Variants in ST6GALNAC5 observed in about 807,000 individuals in gnomAD.
ST6GALNAC5 encodes ST6 N-acetylgalactosaminide alpha-2,6-sialyltransferase 5.
Under a neutral mutation model 33.6 loss-of-function variants are expected in ST6GALNAC5, and 27 were observed. The observed-to-expected ratio is 0.80, with a 90% CI of 0.59 to 1.11. The LOEUF is 1.11. ST6GALNAC5 is among the 50% of genes least tolerant of loss of function. The pLI is 0.00. For missense variants in ST6GALNAC5, 428 were observed against 454.0 expected (o/e 0.94, Z 0.52); for synonymous variants, 194 against 171.2 (o/e 1.13, Z -1.04).
chr1:77,029,844 T>G (rs1651386733), intron 2 of ST6GALNAC5, among the ~76,000 whole-genome samples: 1 of 152,258 alleles, frequency 6.6e-6, no homozygotes, highest in African/African-American at 2.4e-5. Flanking sequence ...TCTAAATTAT[T>G]GTTGAAGGTT....
rs1014205117 is a variant in ST6GALNAC5 at position 77,064,067 on chromosome 1, A to C, written c.*861A>C. On this transcript the variant is annotated 3_prime_UTR_variant, in exon 5 of 5. Transcript: ENST00000477717. ...AAAAATGCTAACAAGAGAAATTTAA[A>C]GGTAGTTTTCTTTAGTAATAATTTA... is the stretch of plus-strand genomic sequence containing the variant. 3 of 152,276 alleles carry C rather than the reference A, an allele frequency of 2.0e-5. No individual in the cohort carries two copies. Among genetic ancestry groups the C allele is most frequent in the African/African-American group, 7.2e-5 (3 of 41,468 alleles). 9.4% of individuals were successfully genotyped at this position (152,276 alleles called of 1,614,324 possible). A position where few individuals can be genotyped will look rare whatever the true frequency, so the allele number is the denominator to read the frequency against.
At chr1:76,961,170 T>A (rs1374629808) in intron 2 of ST6GALNAC5, among the ~76,000 whole-genome samples, 1 of 152,220 alleles carries the variant, frequency 6.6e-6, no homozygotes, top group Non-Finnish European at 1.5e-5. Context: ...TGCCATGGCT[T>A]CAGCCGGTCC....
At chr1:76,978,183 T>G (rs1004269366) in intron 2 of ST6GALNAC5, among the ~76,000 whole-genome samples, 1 of 152,192 alleles carries the variant, frequency 6.6e-6, no homozygotes, top group Admixed American at 6.5e-5. Flanking sequence ...GTTTGTTATT[T>G]TGTTATTGCA....
chr1:76,897,309 A>G (rs2100259497), intron 2 of ST6GALNAC5, among the ~76,000 whole-genome samples: 1 of 152,292 alleles, frequency 6.6e-6, no homozygotes, highest in South Asian at 2.1e-4. Flanking sequence ...ATAGGAGAGT[A>G]TATGGGTTTA....
intron 2 of ST6GALNAC5, among the ~76,000 whole-genome samples, chr1:76,974,349 A>C (rs1648907502): frequency 6.6e-6 from 1 of 151,584 alleles, no homozygotes; most frequent in African/African-American, 2.4e-5. Flanking sequence ...AGGATTATAG[A>C]CATGCATCAC....
chr1:77,021,624 A>G (rs1301285387), intron 2 of ST6GALNAC5, among the ~76,000 whole-genome samples: 1 of 152,182 alleles, frequency 6.6e-6, no homozygotes, highest in African/African-American at 2.4e-5. Context: ...CTGTTCATCA[A>G]TATGATACAT....
At chr1:76,986,303 T>TA (rs748586453) in intron 2 of ST6GALNAC5, among the ~76,000 whole-genome samples, 1 of 151,938 alleles carries the variant, frequency 6.6e-6, no homozygotes, top group Non-Finnish European at 1.5e-5. Context: ...ACAAAGAACT[T>TA]AAACAAATTT....
intron 2 of ST6GALNAC5, among the ~76,000 whole-genome samples, chr1:76,899,403 A>G (rs192978278): frequency 0.056 from 8,433 of 151,822 alleles, 614 homozygotes; most frequent in African/African-American, 0.17. Flanking sequence ...ATAAGAGGTC[A>G]GGGCATGGAA....
chr1:77,050,396 A>G (rs186615566), intron 4 of ST6GALNAC5, 31 bp downstream of exon 4: 3 of 1,588,640 alleles, frequency 1.9e-6, no homozygotes, highest in Non-Finnish European at 2.6e-6. Flanking sequence ...GTAAATCATC[A>G]GCCGTGTTGT....
At chr1:76,953,630 T>C (rs1439915257) in intron 2 of ST6GALNAC5, among the ~76,000 whole-genome samples, 2 of 152,128 alleles carry the variant, frequency 1.3e-5, no homozygotes, top group African/African-American at 4.8e-5. Flanking sequence ...TAACTTGTCT[T>C]TTCATTCTCT....
intron 2 of ST6GALNAC5, among the ~76,000 whole-genome samples, chr1:77,041,177 C>T (rs1651819449): frequency 6.6e-6 from 1 of 152,234 alleles, no homozygotes; most frequent in South Asian, 2.1e-4. Context: ...ATTGTCTCTT[C>T]TGCTGGTTTC....
intron 2 of ST6GALNAC5, among the ~76,000 whole-genome samples, chr1:76,988,272 A>G (rs1296062062): frequency 6.6e-6 from 1 of 151,806 alleles, no homozygotes; most frequent in African/African-American, 2.4e-5. Context: ...TTTTCCTTTC[A>G]TATCCTGTAT....
At chr1:76,907,456 C>T (rs1646875065) in intron 2 of ST6GALNAC5, among the ~76,000 whole-genome samples, 2 of 152,146 alleles carry the variant, frequency 1.3e-5, no homozygotes, top group South Asian at 2.1e-4. Context: ...AAGTCCAAGA[C>T]AAGGCCTCTT....
At chr1:76,909,581 T>C (rs1220474289) in intron 2 of ST6GALNAC5, among the ~76,000 whole-genome samples, 3 of 152,016 alleles carry the variant, frequency 2.0e-5, no homozygotes, top group Non-Finnish European at 2.9e-5. Context: ...TTAGATCTAG[T>C]AAAATTGTTG....
At chr1:76,978,012 CCGT>C (rs1182101528) in intron 2 of ST6GALNAC5, among the ~76,000 whole-genome samples, 3 of 152,120 alleles carry the variant, frequency 2.0e-5, no homozygotes, top group African/African-American at 7.2e-5. Context: ...TTGATAACAG[CCGT>C]TCTGACTAGG....
At chr1:76,946,063 T>C (rs1240008403) in intron 2 of ST6GALNAC5, among the ~76,000 whole-genome samples, 2 of 152,086 alleles carry the variant, frequency 1.3e-5, no homozygotes, top group Admixed American at 6.6e-5. Flanking sequence ...GTTTCTAGAC[T>C]CAGATAAAAC....
intron 3 of ST6GALNAC5, among the ~76,000 whole-genome samples, chr1:77,046,255 A>G (rs1349077633): frequency 3.9e-5 from 6 of 152,228 alleles, no homozygotes; most frequent in African/African-American, 1.4e-4. Context: ...TCTCATAAAA[A>G]TTGTTTTAAA....
intron 2 of ST6GALNAC5, among the ~76,000 whole-genome samples, chr1:76,997,842 G>A (rs1005886570): frequency 1.1e-4 from 16 of 152,104 alleles, no homozygotes; most frequent in African/African-American, 3.4e-4. Flanking sequence ...GATATGGTTT[G>A]GCTCTGTGTT....
intron 2 of ST6GALNAC5, among the ~76,000 whole-genome samples, chr1:76,944,281 C>T (rs566786173): frequency 4.6e-5 from 7 of 152,110 alleles, no homozygotes; most frequent in South Asian, 2.1e-4. Context: ...ATACCACTTA[C>T]GCAGCTAACA....
Sources: gnomAD v4.1 joint callset for allele counts (sites outside exome capture counted in the v4.1 genomes callset) on GRCh38, gnomAD v4.1.1 for gene constraint, MANE v1.5 for transcripts, NCBI Gene and HGNC (gene_info 2026-07-23, HGNC 2026-07-21) for gene names.